Variants in ERI1 observed in about 807,000 individuals in gnomAD.
ERI1 encodes 3'-5' exoribonuclease 1.
A neutral mutation model predicts 39.7 loss-of-function variants in ERI1; 39 were observed. The observed-to-expected ratio is 0.98, with a 90% CI of 0.76 to 1.28. The LOEUF is 1.28. Ranked by LOEUF, ERI1 falls within the 50% of genes most tolerant of loss-of-function variation. ERI1 has a pLI of 0.00. For missense variants in ERI1, 581 were observed against 416.9 expected (o/e 1.39, Z -3.43); for synonymous variants, 204 against 149.6 (o/e 1.36, Z -2.65).
At chr8:9,090,801 A>G (rs1799678728) in intron 3 of ERI1, among the ~76,000 whole-genome samples, 1 of 152,212 alleles carries the variant, frequency 6.6e-6, no homozygotes, top group African/African-American at 2.4e-5. Flanking sequence ...CAATAAAACA[A>G]TGAACTTTCC....
At chr8:9,065,584 A>G (rs1352983643) in intron 3 of ERI1, among the ~76,000 whole-genome samples, 3 of 151,130 alleles carry the variant, frequency 2.0e-5, no homozygotes, top group Non-Finnish European at 4.4e-5. Flanking sequence ...AGTCCCAGCT[A>G]CTCGGGAGGC....
At chr8:9,085,816 G>T (rs1009376270) in intron 3 of ERI1, among the ~76,000 whole-genome samples, 1 of 152,114 alleles carries the variant, frequency 6.6e-6, no homozygotes. Context: ...TCCATAAAAT[G>T]GTGGTCTTTC....
At chr8:9,013,286 A>T (rs537148155) in intron 3 of ERI1, among the ~76,000 whole-genome samples, 56 of 150,116 alleles carry the variant, frequency 3.7e-4, no homozygotes, top group South Asian at 2.1e-3. Context: ...AAGTGCTAGG[A>T]TTACAGGCGT....
At chr8:9,097,586 T>C (rs1799915774) in intron 3 of ERI1, among the ~76,000 whole-genome samples, 1 of 151,616 alleles carries the variant, frequency 6.6e-6, no homozygotes, top group Non-Finnish European at 1.5e-5. Context: ...GGAGAATCAC[T>C]TGAACCAGGG....
At chr8:9,081,701 G>C (rs1201588200) in intron 3 of ERI1, among the ~76,000 whole-genome samples, 7 of 72,612 alleles carry the variant, frequency 9.6e-5, no homozygotes, top group Non-Finnish European at 1.5e-4. Flanking sequence ...TTTTTTTTTG[G>C]TTTTTGTTTG....
chr8:9,087,038 T>C (rs1799551179), intron 3 of ERI1, among the ~76,000 whole-genome samples: 1 of 151,988 alleles, frequency 6.6e-6, no homozygotes, highest in South Asian at 2.1e-4. Context: ...TTTTTTTAAG[T>C]TTTTTGAATT....
intron 3 of ERI1, among the ~76,000 whole-genome samples, chr8:9,084,732 A>C (rs551767187): frequency 6.6e-6 from 1 of 152,258 alleles, no homozygotes; most frequent in East Asian, 1.9e-4. Context: ...GAGTACCCTA[A>C]CTACATTAAT....
chr8:9,029,634 A>AT lies in ERI1; in HGVS notation c.808-152dup, dbSNP rs571717061. ...GCGTGAGCCACCTTGCCTGGCCTGA[A>AT]TTTTTTATTTGCCTTATTTGAGTGG... On this transcript the variant is annotated intron_variant, in intron 6 of 6. Transcript: ENST00000250263. 6.3e-3 allele frequency among the ~76,000 whole-genome samples: 962 copies of AT among 152,260 alleles called. 7 individuals are homozygous for AT. Among genetic ancestry groups the AT allele is most frequent in the African/African-American group, 0.022 (923 of 41,562 alleles).
chr8:9,061,282 G>C (rs1798686750), intron 3 of ERI1, among the ~76,000 whole-genome samples: 1 of 152,310 alleles, frequency 6.6e-6, no homozygotes, highest in East Asian at 1.9e-4. Context: ...ATACAGTTAT[G>C]AGGGTCAGAT....
chr8:9,071,231 C>T (rs944500470), intron 3 of ERI1, among the ~76,000 whole-genome samples: 1 of 152,164 alleles, frequency 6.6e-6, no homozygotes, highest in African/African-American at 2.4e-5. Flanking sequence ...TTTTCCTAAC[C>T]ACTGTAATAA....
intron 6 of ERI1, among the ~76,000 whole-genome samples, chr8:9,025,496 T>C (rs967738458): frequency 2.8e-4 from 43 of 152,240 alleles, no homozygotes; most frequent in African/African-American, 8.2e-4. Context: ...CTGGCCTTTT[T>C]GTTTTCCTCT....
chr8:9,005,892 A>G (rs1815964963), intron 1 of ERI1, among the ~76,000 whole-genome samples: 1 of 152,232 alleles, frequency 6.6e-6, no homozygotes, highest in Non-Finnish European at 1.5e-5. Context: ...AGCTTCTCTT[A>G]TTTGAGATAA....
intron 3 of ERI1, chr8:9,088,425 T>C (rs982082671): frequency 6.6e-6 from 1 of 152,222 alleles, no homozygotes; most frequent in Non-Finnish European, 1.5e-5. Flanking sequence ...GTGCCCATTC[T>C]GCTAAAGCTC....
Position 9,003,082 on chromosome 8 carries a change from A to G in ERI1, c.19A>G (p.Lys7Glu). 1 of 1,248,438 alleles carries G rather than the reference A, an allele frequency of 8.0e-7. No individual in the cohort carries two copies. The highest frequency in any genetic ancestry group is 1.0e-6 in the Non-Finnish European group (1 of 989,042). 77.3% of individuals were successfully genotyped at this position (1,248,438 alleles called of 1,614,324 possible). A position where few individuals can be genotyped will look rare whatever the true frequency, so the allele number is the denominator to read the frequency against. ...AGCCGGCATGGAGGATCCACAGAGT[A>G]AAGAGCCTGCCGGCGAGGCCGTGGC... MEDPQSKEPAGEAVALA... is the reference protein window; with the variant it reads MEDPQSEEPAGEAVALA... The change falls in exon 1 of 7, where the codon AAA (lysine) becomes GAA (glutamate). Residue 7 changes from lysine (K) to glutamate (E), a missense_variant. By Grantham distance (56) the Lys-to-Glu change is moderately conservative. Coordinates refer to ENST00000250263, the MANE Select transcript of ERI1 (RefSeq NM_153332.4).
intron 3 of ERI1, among the ~76,000 whole-genome samples, chr8:9,092,867 G>A (rs184592449): frequency 6.6e-6 from 1 of 152,224 alleles, no homozygotes; most frequent in Non-Finnish European, 1.5e-5. Context: ...TGAGACCAAG[G>A]TTTCGGCAGG....
intron 3 of ERI1, among the ~76,000 whole-genome samples, chr8:9,052,029 G>C (rs117157496): frequency 6.6e-6 from 1 of 152,208 alleles, no homozygotes; most frequent in Non-Finnish European, 1.5e-5. Flanking sequence ...TCATAGGGTC[G>C]TAGTGAGAAA....
At position 9,088,100 on chromosome 8, in the gene ERI1, A is replaced by T. The variant is rs182916033; in HGVS notation, n.300-28248A>T. Among the ~76,000 whole-genome samples the T allele has an allele frequency of 8.7e-3, 1,328 of 152,192 alleles. 9 individuals carry two copies. Among genetic ancestry groups the T allele is most frequent in the Admixed American group, 0.02 (302 of 15,290 alleles). ...CTTATGAAATCATTGCTGATTTCTG[A>T]TCCTCATGGCCAGGAAAGGAGACAA... On this transcript the variant is annotated intron_variant and non_coding_transcript_variant, in intron 3 of 3. Coordinates refer to the ERI1 transcript ENST00000518663.
chr8:9,038,456 A>G (rs1246023509), intron 3 of ERI1, among the ~76,000 whole-genome samples: 3 of 152,248 alleles, frequency 2.0e-5, no homozygotes, highest in South Asian at 2.1e-4. Flanking sequence ...TAACAAGTGT[A>G]TATACATTTA....
downstream of ERI1, among the ~76,000 whole-genome samples, chr8:9,034,301 G>A (rs1395347634): frequency 6.6e-6 from 1 of 152,240 alleles, no homozygotes; most frequent in South Asian, 2.1e-4. Context: ...GAGCCACAAG[G>A]CATGCTTCAT....
Sources: allele counts gnomAD v4.1 joint callset (sites outside exome capture counted in the v4.1 genomes callset), GRCh38; gene constraint gnomAD v4.1.1; transcripts MANE v1.5; gene names NCBI Gene and HGNC (gene_info 2026-07-23, HGNC 2026-07-21).